The following TMEM59 variants were observed in gnomAD, a reference collection of about 807,000 sequenced individuals.
The protein encoded by TMEM59 is dendritic cell factor 1.
TMEM59 carries 44 observed loss-of-function variants against 42.2 expected under a neutral mutation model. The observed-to-expected ratio is 1.04, with a 90% CI of 0.82 to 1.34. The LOEUF is 1.34. Ranked by LOEUF, TMEM59 falls within the 40% of genes most tolerant of loss-of-function variation. The pLI, the probability that TMEM59 is intolerant of heterozygous loss-of-function variation, is 0.00. For synonymous variants in TMEM59, 148 were observed against 145.8 expected (o/e 1.02, Z -0.11); for missense variants, 359 against 382.8 (o/e 0.94, Z 0.52).
intron 7 of TMEM59, chr1:54,033,417 A>G (rs1031116207): frequency 4.0e-5 from 6 of 151,832 alleles, no homozygotes; most frequent in South Asian, 2.1e-4. Context: ...CCTGGCTAAC[A>G]TGGTGAAACC....
intron 7 of TMEM59, chr1:54,033,291 T>C (rs2100296513): frequency 6.6e-6 from 1 of 151,988 alleles, no homozygotes; most frequent in Admixed American, 6.6e-5. Flanking sequence ...AAAAGCAAAG[T>C]GAAAAGTCTC....
At chr1:54,043,980 G>A (rs1343268390) in intron 3 of TMEM59, 1 of 152,098 alleles carries the variant, frequency 6.6e-6, no homozygotes, top group South Asian at 2.1e-4. Context: ...ACATAAAATG[G>A]TAGACATCTG....
At chr1:54,040,403 T>C (rs1017877095) in intron 6 of TMEM59, among the ~76,000 whole-genome samples, 2 of 152,210 alleles carry the variant, frequency 1.3e-5, no homozygotes, top group Admixed American at 1.3e-4. Flanking sequence ...TCCACCCGCC[T>C]TGGCCTCCTA....
chr1:54,040,266 C>A (rs552537951), intron 6 of TMEM59, among the ~76,000 whole-genome samples: 79 of 152,268 alleles, frequency 5.2e-4, no homozygotes, highest in African/African-American at 1.9e-3. Flanking sequence ...GATTCTCCTG[C>A]CTCATCCTCC....
chr1:54,042,089 A>G (rs952210122), intron 4 of TMEM59, among the ~76,000 whole-genome samples: 1 of 151,518 alleles, frequency 6.6e-6, no homozygotes, highest in Non-Finnish European at 1.5e-5. Flanking sequence ...GAGAGGGACA[A>G]ATCATGACAT....
rs1195110843 is a variant in TMEM59 at position 54,028,711 on chromosome 1, G to T, written c.*3439C>A. ...CACTTTCTCCCAGAAGTCCTCCTGT[G>T]TGCTCCCATAATGCATACAGCTCCT... is the stretch of plus-strand genomic sequence containing the variant. On this transcript the variant is annotated 3_prime_UTR_variant, in exon 8 of 8. Transcript: ENST00000234831. The T allele has an allele frequency of 1.3e-5, 2 of 152,422 alleles. No homozygotes were observed. Among genetic ancestry groups the T allele is most frequent in the African/African-American group, 4.8e-5 (2 of 41,426 alleles). 9.4% of individuals were successfully genotyped at this position (152,422 alleles called of 1,614,324 possible). A position where few individuals can be genotyped will look rare whatever the true frequency, so the allele number is the denominator to read the frequency against.
At chr1:54,052,678 CA>C (rs1258302191) in intron 1 of TMEM59, among the ~76,000 whole-genome samples, 4 of 152,152 alleles carry the variant, frequency 2.6e-5, no homozygotes, top group Non-Finnish European at 4.4e-5. Flanking sequence ...GAGGACCCCG[CA>C]TTAATCATCC....
At position 54,045,783 on chromosome 1, in the gene TMEM59, C is replaced by T. The variant is rs749722998; in HGVS notation, c.299G>A (p.Cys100Tyr). The T allele has an allele frequency of 1.2e-6, 2 of 1,609,584 alleles. No homozygotes were observed. Among genetic ancestry groups the T allele is most frequent in the Admixed American group, 1.7e-5 (1 of 59,794 alleles). Reference protein sequence around the residue: ...NRTKLECESACTEAYSQSDEQ... With the variant: ...NRTKLECESAYTEAYSQSDEQ... ...ATCAGATTGGGAATATGCTTCTGTA[C>T]ATGCTGTAAGAGAAAAATAGTCAAA... The change falls in exon 3 of 8, where the codon TGT becomes TAT. Residue 100 changes from cysteine to tyrosine, a missense_variant. By Grantham distance (194) the Cys-to-Tyr change is radical. Transcript: ENST00000234831.
rs1453276400 is a variant in TMEM59 at position 54,029,838 on chromosome 1, C to G, written c.*2312G>C. 6.6e-6 allele frequency: 1 copy of G among 152,000 alleles called. No homozygotes were observed. The highest frequency in any genetic ancestry group is 1.5e-5 in the Non-Finnish European group (1 of 68,022). 9.4% of individuals were successfully genotyped at this position (152,000 alleles called of 1,614,324 possible). ...CCTGACCCTAGACTCTAGTGTAGAA[C>G]AAGTAGTTAAGGGAAGAGAGATTAA... On this transcript the variant is annotated 3_prime_UTR_variant, in exon 8 of 8. Transcript: ENST00000234831.
At chr1:54,045,569 T>C (rs910081763) in intron 3 of TMEM59, 123 bp downstream of exon 3, 7 of 910,954 alleles carry the variant, frequency 7.7e-6, no homozygotes, top group Non-Finnish European at 1.2e-5. Context: ...ACTAATTTTG[T>C]TTGCTGAAAG....
chr1:54,048,968 T>G (rs1425909865), intron 1 of TMEM59, among the ~76,000 whole-genome samples: 2 of 152,222 alleles, frequency 1.3e-5, no homozygotes, highest in Non-Finnish European at 2.9e-5. Flanking sequence ...TGTAAAACAG[T>G]TAAAGAATTA....
rs750693240 is a variant in TMEM59 at position 54,031,195 on chromosome 1, G to C, written c.*955C>G. ...GAACCTCAGAGGTGGAGGTTGTAGT[G>C]AGCCAAGATCATACCATTGCACTCC... On this transcript the variant is annotated 3_prime_UTR_variant, in exon 8 of 8. Coordinates refer to ENST00000234831, the MANE Select transcript of TMEM59 (RefSeq NM_004872.5). 6.6e-6 allele frequency: 1 copy of C among 152,218 alleles called. No individual in the cohort carries two copies. Among genetic ancestry groups the C allele is most frequent in the African/African-American group, 2.4e-5 (1 of 41,426 alleles). 9.4% of individuals were successfully genotyped at this position (152,218 alleles called of 1,614,324 possible). A position where few individuals can be genotyped will look rare whatever the true frequency, so the allele number is the denominator to read the frequency against.
At position 54,032,038 on chromosome 1, in the gene TMEM59, T is replaced by C. The variant is rs1052882756; in HGVS notation, c.*112A>G. ...TCTTCACAGATTTGAGTAACTTTAT[T>C]TGCATTTTATAGTGATTTCTTAAGG... On this transcript the variant is annotated 3_prime_UTR_variant, in exon 8 of 8. Transcript: ENST00000234831. 1.2e-5 allele frequency: 12 copies of C among 960,216 alleles called. No individual in the cohort carries two copies. Among genetic ancestry groups the C allele is most frequent in the African/African-American group, 8.2e-5 (5 of 60,722 alleles). 59.5% of individuals were successfully genotyped at this position (960,216 alleles called of 1,614,324 possible). A position where few individuals can be genotyped will look rare whatever the true frequency, so the allele number is the denominator to read the frequency against.
intron 3 of TMEM59, chr1:54,044,644 C>T (rs1050074908): frequency 3.3e-5 from 5 of 150,242 alleles, no homozygotes; most frequent in African/African-American, 1.2e-4. Flanking sequence ...CTCTAAAAAA[C>T]ATAAAAATAA....
chr1:54,046,737 G>A (rs1388498250), intron 2 of TMEM59, among the ~76,000 whole-genome samples: 1 of 152,186 alleles, frequency 6.6e-6, no homozygotes, highest in African/African-American at 2.4e-5. Flanking sequence ...AAAGTTAAAC[G>A]TCAATTGTGT....
intron 1 of TMEM59, among the ~76,000 whole-genome samples, chr1:54,051,255 A>C (rs947801955): frequency 6.6e-6 from 1 of 152,218 alleles, no homozygotes; most frequent in African/African-American, 2.4e-5. Context: ...GACCTTAGGC[A>C]AGTCACTTAA....
intron 1 of TMEM59, among the ~76,000 whole-genome samples, chr1:54,052,296 G>A (rs1224050202): frequency 6.6e-6 from 1 of 152,158 alleles, no homozygotes; most frequent in Admixed American, 6.5e-5. Context: ...CTCTCTGTAA[G>A]CTGCGAACCC....
chr1:54,040,869 T>C (rs1199365527), intron 5 of TMEM59, 32 bp from the exon 6 acceptor site: 1 of 1,558,588 alleles, frequency 6.4e-7, no homozygotes, highest in South Asian at 1.1e-5. Context: ...GTTTATTATA[T>C]CCTATATTCC....
At chr1:54,050,260 G>C in intron 1 of TMEM59, among the ~76,000 whole-genome samples, 1 of 151,886 alleles carries the variant, frequency 6.6e-6, no homozygotes, top group East Asian at 1.9e-4. Context: ...TGAGTAGCTG[G>C]GATCACAAGC....
Sources: gnomAD v4.1 joint callset for allele counts (sites outside exome capture counted in the v4.1 genomes callset) on GRCh38, gnomAD v4.1.1 for gene constraint, MANE v1.5 for transcripts, NCBI Gene and HGNC (gene_info 2026-07-23, HGNC 2026-07-21) for gene names.